The following ABLIM2 variants were observed in gnomAD, a reference collection of about 807,000 sequenced individuals.
The protein encoded by ABLIM2 is actin binding LIM protein family member 2.
Under a neutral mutation model 97.7 loss-of-function variants are expected in ABLIM2, and 53 were observed. The observed-to-expected ratio is 0.54, with a 90% CI of 0.44 to 0.68. The LOEUF (loss-of-function observed/expected upper bound fraction) is 0.68. ABLIM2 is among the 30% of genes least tolerant of loss of function. The pLI is 0.00. For synonymous variants in ABLIM2, 361 were observed against 345.8 expected (o/e 1.04, Z -0.49); for missense variants, 835 against 867.2 (o/e 0.96, Z 0.47).
intron 2 of ABLIM2, among the ~76,000 whole-genome samples, chr4:8,104,044 A>C (rs1198453969): frequency 6.6e-6 from 1 of 152,226 alleles, no homozygotes; most frequent in Non-Finnish European, 1.5e-5. Context: ...AAAAGCATGA[A>C]ATCCACTAGC....
intron 12 of ABLIM2, among the ~76,000 whole-genome samples, chr4:8,024,022 C>T (rs1335205975): frequency 6.6e-6 from 1 of 152,184 alleles, no homozygotes; most frequent in African/African-American, 2.4e-5. Flanking sequence ...ACCACAATCA[C>T]CCTGAGGACG....
chr4:8,101,133 AAC>A (rs1834359113), intron 2 of ABLIM2, among the ~76,000 whole-genome samples: 2 of 152,220 alleles, frequency 1.3e-5, no homozygotes, highest in Non-Finnish European at 2.9e-5. Flanking sequence ...TTCACATCAA[AAC>A]ACAAGAAAAC....
At position 8,127,757 on chromosome 4, in the gene ABLIM2, C is replaced by G. The variant is rs576747075; in HGVS notation, c.11-21120G>C. The G allele has an allele frequency of 2.1e-6, 2 of 970,584 alleles. No individual in the cohort carries two copies. The highest frequency in any genetic ancestry group is 1.2e-4 in the East Asian group (1 of 8,666). The allele number at this position is 970,584 out of a possible 1,614,324, so 60.1% of individuals were successfully genotyped here. A position where few individuals can be genotyped will look rare whatever the true frequency, so the allele number is the denominator to read the frequency against. On this transcript the variant is annotated intron_variant, in intron 1 of 20. Coordinates refer to ENST00000447017, the MANE Select transcript of ABLIM2 (RefSeq NM_001130083.2). The surrounding 1 kb of genome is among the most constrained non-coding windows in gnomAD (Gnocchi z 7.3). ...GGGAGGGGCAGAGCCAAGCCCTTCC[C>G]GGCACACTGAAATAGACTCCCGCCA...
intron 7 of ABLIM2, among the ~76,000 whole-genome samples, chr4:8,056,605 G>A (rs2152030557): frequency 6.6e-6 from 1 of 151,012 alleles, no homozygotes; most frequent in East Asian, 2.0e-4. Flanking sequence ...CCAGGCTACA[G>A]ACACAATTTC....
In ABLIM2 at chr4:8,032,716, G is replaced by A. The variant is rs1027782139; in HGVS notation, c.1048-2940C>T. ...AACACACAAAGTGGCCATTAGTGCT[G>A]GCGCCAGGCAGAGAGGGAGGAGGGC... is the stretch of plus-strand genomic sequence containing the variant. On this transcript the variant is annotated intron_variant, in intron 10 of 20. Coordinates refer to ENST00000447017, the MANE Select transcript of ABLIM2 (RefSeq NM_001130083.2). This position sits in a 1 kb window ranked among gnomAD's most constrained non-coding sequence, Gnocchi z 4.3. The A allele has an allele frequency of 1.2e-6, 2 of 1,611,786 alleles. No individual in the cohort carries two copies. The highest frequency in any genetic ancestry group is 2.7e-5 in the African/African-American group (2 of 74,708).
chr4:8,113,918 C>T lies in ABLIM2; in HGVS notation c.11-7281G>A, dbSNP rs1841540189. Among the ~76,000 whole-genome samples, 1 of 152,216 alleles carries T rather than the reference C, an allele frequency of 6.6e-6. No individual in the cohort carries two copies. On this transcript the variant is annotated intron_variant, in intron 1 of 20. Coordinates refer to ENST00000447017, the MANE Select transcript of ABLIM2 (RefSeq NM_001130083.2). The surrounding 1 kb of genome is among the most constrained non-coding windows in gnomAD (Gnocchi z 4.5). ...GAGCAATACAGAGAGGGGCACAGGG[C>T]TGTGTGCAGGCACAGCAGGGAGATG...
rs34112937 is a variant in ABLIM2 at position 8,154,281 on chromosome 4, CTT to C, written c.10+4397_10+4398del. Among the ~76,000 whole-genome samples the C allele has an allele frequency of 3.9e-4, 45 of 114,482 alleles. 1 individual carries two copies. The highest frequency in any genetic ancestry group is 5.3e-4 in the Non-Finnish European group (31 of 58,252). The allele number at this position is 114,482 out of a possible 152,430, so 75.1% of individuals were successfully genotyped here. A position where few individuals can be genotyped will look rare whatever the true frequency, so the allele number is the denominator to read the frequency against. The stretch of plus-strand genomic sequence containing the variant: ...CCAGCCACTTATTTTCTTTTCTTTT[CTT>C]TTTTTTTTTTTTTTTTGGAGACAGA... On this transcript the variant is annotated intron_variant, in intron 1 of 20. Coordinates refer to ENST00000447017, the MANE Select transcript of ABLIM2 (RefSeq NM_001130083.2).
intron 16 of ABLIM2, among the ~76,000 whole-genome samples, chr4:7,997,642 A>G (rs564873903): frequency 3.3e-4 from 50 of 152,174 alleles, no homozygotes; most frequent in African/African-American, 1.1e-3. Flanking sequence ...TTCAGTTTCA[A>G]AAGTATCTGC....
At chr4:8,052,526 T>C (rs12645762) in intron 8 of ABLIM2, among the ~76,000 whole-genome samples, 40,733 of 152,152 alleles carry the variant, frequency 0.27, 5,655 homozygotes, top group African/African-American at 0.35. Context: ...CTTCTGCCAC[T>C]GTGGAAGGCA....
At chr4:8,098,476 T>G (rs929079933) in intron 2 of ABLIM2, among the ~76,000 whole-genome samples, 5 of 152,178 alleles carry the variant, frequency 3.3e-5, no homozygotes, top group African/African-American at 1.2e-4. Flanking sequence ...CCTCAACATT[T>G]GCCTACAAAA....
intron 20 of ABLIM2, among the ~76,000 whole-genome samples, chr4:7,982,065 C>T (rs1438028211): frequency 2.0e-5 from 3 of 152,138 alleles, no homozygotes; most frequent in Admixed American, 2.0e-4. Flanking sequence ...CCCTCAGCTG[C>T]ACCCATGCCC....
intron 6 of ABLIM2, among the ~76,000 whole-genome samples, chr4:8,074,776 C>CT (rs71175458): frequency 0.013 from 1,405 of 105,002 alleles, 26 homozygotes; most frequent in South Asian, 0.05. Flanking sequence ...CCTGGTAATT[C>CT]TTTTTTTTTT....
At chr4:8,049,092 G>A (rs756429676) in intron 8 of ABLIM2, among the ~76,000 whole-genome samples, 25 of 152,254 alleles carry the variant, frequency 1.6e-4, no homozygotes, top group African/African-American at 2.9e-4. Context: ...GGCCCCTCTC[G>A]GTCACGGCGC....
Position 8,005,654 on chromosome 4 carries a change from C to G in ABLIM2, c.1618+2405G>C, listed in dbSNP as rs1760782352. Among the ~76,000 whole-genome samples the G allele has an allele frequency of 6.6e-6, 1 of 152,216 alleles. No individual in the cohort carries two copies. Among genetic ancestry groups the G allele is most frequent in the South Asian group, 2.1e-4 (1 of 4,830 alleles). On this transcript the variant is annotated intron_variant, in intron 16 of 20. Coordinates refer to ENST00000447017, the MANE Select transcript of ABLIM2 (RefSeq NM_001130083.2). The surrounding 1 kb of genome is among the most constrained non-coding windows in gnomAD (Gnocchi z 4.9). ...CGGCAAGGCTCACCTGATCCAGGCA[C>G]AGCCGGCAGTCTGGGTCCTCGCTGC...
rs892728689 is a variant in ABLIM2, at chr4:8,022,342, C to T, written c.1268-2039G>A. 4.6e-5 allele frequency among the ~76,000 whole-genome samples: 7 copies of T among 152,230 alleles called. No homozygotes were observed. Among genetic ancestry groups the T allele is most frequent in the African/African-American group, 1.7e-4 (7 of 41,460 alleles). On this transcript the variant is annotated intron_variant, in intron 12 of 20. Coordinates refer to ENST00000447017, the MANE Select transcript of ABLIM2 (RefSeq NM_001130083.2). This position sits in a 1 kb window ranked among gnomAD's most constrained non-coding sequence, Gnocchi z 7.8. Reference sequence around the variant, plus strand: ...AGTGTACCTGTCCCTCCCCAGTTCCCAGCCACAGGGCAGCATCCCCTGAAG... The same window carrying T: ...AGTGTACCTGTCCCTCCCCAGTTCCTAGCCACAGGGCAGCATCCCCTGAAG...
chr4:8,041,786 C>A (rs1355858713), intron 9 of ABLIM2, among the ~76,000 whole-genome samples: 1 of 152,012 alleles, frequency 6.6e-6, no homozygotes, highest in Non-Finnish European at 1.5e-5. Context: ...TGCCTGTTGT[C>A]CCAGCTACTC....
At chr4:8,108,460 G>C (rs899241368) in intron 1 of ABLIM2, among the ~76,000 whole-genome samples, 1 of 152,212 alleles carries the variant, frequency 6.6e-6, no homozygotes, top group Non-Finnish European at 1.5e-5. Flanking sequence ...GTCCGGCCAC[G>C]GTACCCAGCC....
chr4:8,002,933 T>A lies in ABLIM2; in HGVS notation c.1618+5126A>T, dbSNP rs1227183345. Reference sequence around the variant, plus strand: ...ACTTACTGTATTTGAAAGTGCACCCTTCCCCCAGCCCTCTCTAGCCCTCTT... The same window carrying A: ...ACTTACTGTATTTGAAAGTGCACCCATCCCCCAGCCCTCTCTAGCCCTCTT... On this transcript the variant is annotated intron_variant, in intron 16 of 20. Coordinates refer to ENST00000447017, the MANE Select transcript of ABLIM2 (RefSeq NM_001130083.2). The surrounding 1 kb of genome is among the most constrained non-coding windows in gnomAD (Gnocchi z 6.1). Among the ~76,000 whole-genome samples, 2 of 152,194 alleles carry A rather than the reference T, an allele frequency of 1.3e-5. No individual in the cohort carries two copies. The highest frequency in any genetic ancestry group is 1.3e-4 in the Admixed American group (2 of 15,278).
intron 3 of ABLIM2, among the ~76,000 whole-genome samples, chr4:8,094,050 T>C (rs10018331): frequency 0.43 from 65,350 of 152,028 alleles, 15,834 homozygotes; most frequent in African/African-American, 0.67. Flanking sequence ...TGAATTCTTT[T>C]TAATGCTGTG....
Sources: allele counts gnomAD v4.1 joint callset (sites outside exome capture counted in the v4.1 genomes callset), GRCh38; gene constraint gnomAD v4.1.1; non-coding constraint Gnocchi (gnomAD v3.1); transcripts MANE v1.5; gene names NCBI Gene and HGNC (gene_info 2026-07-23, HGNC 2026-07-21).